The following CCDC175 variants were observed in gnomAD, a reference collection of about 807,000 sequenced individuals.
CCDC175 encodes coiled-coil domain-containing protein 175.
CCDC175 carries 100 observed loss-of-function variants against 114.6 expected under a neutral mutation model. The observed-to-expected ratio is 0.87, with a 90% CI of 0.74 to 1.03. The LOEUF is 1.03. Ranked by LOEUF, CCDC175 falls within the 50% of genes least tolerant of loss-of-function variation. The pLI is 0.00. For missense variants in CCDC175, 880 were observed against 917.8 expected, an observed-to-expected ratio of 0.96 and a Z score of 0.53; for synonymous variants, 306 against 308.7, an observed-to-expected ratio of 0.99 and a Z score of 0.09.
At chr14:59,560,242 C>G (rs1055469910) in intron 7 of CCDC175, among the ~76,000 whole-genome samples, 5 of 152,004 alleles carry the variant, frequency 3.3e-5, no homozygotes, top group African/African-American at 9.7e-5. Flanking sequence ...ACAATATATT[C>G]AAATATATAT....
intron 7 of CCDC175, among the ~76,000 whole-genome samples, chr14:59,557,469 G>A (rs951471104): frequency 7.4e-6 from 1 of 135,686 alleles, no homozygotes; most frequent in Non-Finnish European, 1.6e-5. Flanking sequence ...CCTGTTGTGG[G>A]GTGGGGGGAG....
At chr14:59,523,126 T>A (rs537039805) in intron 16 of CCDC175, among the ~76,000 whole-genome samples, 1 of 152,330 alleles carries the variant, frequency 6.6e-6, no homozygotes, top group African/African-American at 2.4e-5. Context: ...ACTGCCAAAA[T>A]AGCAATACAT....
At chr14:59,553,936 C>A (rs866541110) in intron 7 of CCDC175, among the ~76,000 whole-genome samples, 1 of 152,136 alleles carries the variant, frequency 6.6e-6, no homozygotes, top group Middle Eastern at 3.2e-3. Context: ...ATATATGCAC[C>A]CAATACAGGA....
At chr14:59,538,560 T>G in intron 12 of CCDC175, 145 bp downstream of exon 12, 1 of 703,006 alleles carries the variant, frequency 1.4e-6, no homozygotes, top group Non-Finnish European at 2.2e-6. Flanking sequence ...ATACATTTCC[T>G]AAGAAAATCA....
At position 59,576,650 on chromosome 14, in the gene CCDC175, C is replaced by G. The variant is rs368882853; in HGVS notation, c.126G>C (p.Ala42=). Residue 42 remains alanine, a synonymous_variant, in exon 1 of 20, where the codon GCG becomes GCC. Transcript: ENST00000537690. ...CAAACAGCTGCTCCAGCGCCTCGAC[C>G]GCGACCGAGGAGCCCAGGGTGGAGG... ...TLPSTLGSSV[A]VEALEQLFVV... is the part of the protein sequence containing the mutation. The G allele has an allele frequency of 4.8e-6, 7 of 1,472,626 alleles. No homozygotes were observed. Among genetic ancestry groups the G allele is most frequent in the Admixed American group, 5.1e-5 (2 of 39,544 alleles). The allele number at this position is 1,472,626 out of a possible 1,614,324, so 91.2% of individuals were successfully genotyped here.
At position 59,565,226 on chromosome 14, in the gene CCDC175, G is replaced by A; in HGVS notation, c.541C>T (p.Leu181Phe). ...ARKHARFVLSLNQTMEKKATT... is the reference protein window; with the variant it reads ...ARKHARFVLSFNQTMEKKATT... ...GCTTTTTTCTCCATAGTTTGGTTGA[G>A]TGACAGGACAAACCTTGCATGCTTC... The change falls in exon 5 of 20, where the codon CTC becomes TTC. Residue 181 changes from leucine (L) to phenylalanine (F), a missense_variant. Leu to Phe is a conservative substitution (Grantham distance 22). Coordinates refer to ENST00000537690, the MANE Select transcript of CCDC175 (RefSeq NM_001164399.2). The A allele has an allele frequency of 1.3e-6, 2 of 1,537,784 alleles. No homozygotes were observed. The highest frequency in any genetic ancestry group is 1.4e-5 in the African/African-American group (1 of 73,138).
At chr14:59,515,183 G>C (rs1893001217) in intron 17 of CCDC175, among the ~76,000 whole-genome samples, 1 of 152,122 alleles carries the variant, frequency 6.6e-6, no homozygotes, top group Non-Finnish European at 1.5e-5. Context: ...ACATGGAAAG[G>C]AACAACTGGT....
At chr14:59,530,473 G>A (rs1360884415) in intron 14 of CCDC175, among the ~76,000 whole-genome samples, 1 of 148,234 alleles carries the variant, frequency 6.7e-6, no homozygotes, top group Non-Finnish European at 1.5e-5. Flanking sequence ...GGAGGGGAGG[G>A]GAGGGAAGGG....
chr14:59,505,548 GTATA>G (rs1235583060), intron 19 of CCDC175: 3 of 300,006 alleles, frequency 1.0e-5, no homozygotes, highest in African/African-American at 6.5e-5. Flanking sequence ...TAGCAGAAAA[GTATA>G]TATGCAAAAG....
chr14:59,553,230 C>G (rs1272054188), intron 7 of CCDC175, among the ~76,000 whole-genome samples: 4 of 152,174 alleles, frequency 2.6e-5, no homozygotes, highest in Admixed American at 6.5e-5. Context: ...TTGGGTTACC[C>G]ACAAAGGGAA....
intron 17 of CCDC175, among the ~76,000 whole-genome samples, chr14:59,514,404 G>C (rs1013806661): frequency 6.6e-6 from 1 of 152,094 alleles, no homozygotes; most frequent in Non-Finnish European, 1.5e-5. Flanking sequence ...TGTCAAAGAA[G>C]TTAAAAACCT....
rs776473079 is a variant in CCDC175, at chr14:59,568,413, T to C, written c.356-33A>G. The C allele has an allele frequency of 3.3e-5, 48 of 1,465,128 alleles. No individual in the cohort carries two copies. The African/African-American group carries it at 6.4e-4, about 19-fold the overall frequency. The allele number at this position is 1,465,128 out of a possible 1,614,324, so 90.8% of individuals were successfully genotyped here. A position where few individuals can be genotyped will look rare whatever the true frequency, so the allele number is the denominator to read the frequency against. On this transcript the variant is annotated intron_variant, in intron 3 of 19. Transcript: ENST00000537690. ...GTAAGTGGAAATATTACTACATTAT[T>C]TGAGGAAAAGCACAACTGTAGATAC...
At chr14:59,510,830 C>T (rs1892696111) in intron 18 of CCDC175, 22 bp from the exon 19 acceptor site, 1 of 1,528,520 alleles carries the variant, frequency 6.5e-7, no homozygotes, top group Non-Finnish European at 8.8e-7. Flanking sequence ...GCATTTTAGG[C>T]TGTGTCAATA....
intron 9 of CCDC175, among the ~76,000 whole-genome samples, chr14:59,544,668 A>T (rs1267020264): frequency 6.6e-6 from 1 of 152,160 alleles, no homozygotes; most frequent in Non-Finnish European, 1.5e-5. Context: ...TGCTTTTTTC[A>T]TGAGAAAAAA....
intron 2 of CCDC175, among the ~76,000 whole-genome samples, chr14:59,573,389 T>G (rs1303345366): frequency 1.3e-5 from 2 of 152,134 alleles, no homozygotes; most frequent in Non-Finnish European, 1.5e-5. Flanking sequence ...ATTTTATGAA[T>G]TATAAAAAGC....
At chr14:59,513,302 AGTGTCAG>A (rs1196282958) in intron 17 of CCDC175, among the ~76,000 whole-genome samples, 29 of 152,022 alleles carry the variant, frequency 1.9e-4, no homozygotes, top group African/African-American at 7.0e-4. Context: ...CTCACTGGGG[AGTGTCAG>A]AAAGTGGGTG....
chr14:59,534,610 T>C (rs1894285180), intron 13 of CCDC175, among the ~76,000 whole-genome samples: 1 of 152,204 alleles, frequency 6.6e-6, no homozygotes, highest in African/African-American at 2.4e-5. Flanking sequence ...TCCTGGCAGC[T>C]CTGCTTCTCT....
rs146616887 is a variant in CCDC175 at position 59,567,398 on chromosome 14, A to C, written c.491+847T>G. ...GGTCTCTAGCTGATTTCTGATGTTTATTATCTGGGACACCAGGCAACCCTC... is the reference window on the plus strand; with the variant it reads ...GGTCTCTAGCTGATTTCTGATGTTTCTTATCTGGGACACCAGGCAACCCTC... On this transcript the variant is annotated intron_variant, in intron 4 of 19. Coordinates refer to ENST00000537690, the MANE Select transcript of CCDC175 (RefSeq NM_001164399.2). 4.2e-3 allele frequency among the ~76,000 whole-genome samples: 632 copies of C among 152,230 alleles called. 4 individuals carry two copies. The highest frequency in any genetic ancestry group is 0.014 in the African/African-American group (601 of 41,526).
At chr14:59,539,457 G>A (rs1209440697) in intron 11 of CCDC175, among the ~76,000 whole-genome samples, 1 of 152,174 alleles carries the variant, frequency 6.6e-6, no homozygotes, top group Non-Finnish European at 1.5e-5. Context: ...GCACAAGCCT[G>A]TAATCCCAGC....
Sources: gnomAD v4.1 joint callset for allele counts (sites outside exome capture counted in the v4.1 genomes callset) on GRCh38, gnomAD v4.1.1 for gene constraint, MANE v1.5 for transcripts, NCBI Gene and HGNC (gene_info 2026-07-23, HGNC 2026-07-21) for gene names.